Variants in ZNF385D observed in about 807,000 individuals in gnomAD.
ZNF385D encodes zinc finger protein 659.
A neutral mutation model predicts 35.8 loss-of-function variants in ZNF385D; 15 were observed. That is an observed-to-expected ratio of 0.42 (90% confidence interval 0.28 to 0.64). ZNF385D has a LOEUF of 0.64. Ranked by LOEUF, ZNF385D falls within the 30% of genes least tolerant of loss-of-function variation. ZNF385D has a pLI of 0.23. For synonymous variants in ZNF385D, 212 were observed against 186.8 expected (o/e 1.13, Z -1.10); for missense variants, 474 against 494.6 (o/e 0.96, Z 0.39).
chr3:21,935,960 G>A (rs1005167857), intron 3 of ZNF385D, among the ~76,000 whole-genome samples: 12 of 152,098 alleles, frequency 7.9e-5, no homozygotes, highest in African/African-American at 2.9e-4. Flanking sequence ...GGTGTCCTAA[G>A]TGCAACAGAA....
chr3:21,587,922 G>A (rs1057070004), intron 2 of ZNF385D, among the ~76,000 whole-genome samples: 5 of 152,066 alleles, frequency 3.3e-5, no homozygotes, highest in African/African-American at 1.2e-4. Flanking sequence ...GCCAATTTCT[G>A]TGCAATTTTT....
chr3:21,933,014 G>A (rs1009579192), intron 3 of ZNF385D, among the ~76,000 whole-genome samples: 1 of 152,130 alleles, frequency 6.6e-6, no homozygotes, highest in Admixed American at 6.5e-5. Flanking sequence ...TCCCCCAGGG[G>A]ATGTTGAAGT....
At chr3:22,185,258 C>G (rs547720922) in intron 2 of ZNF385D, among the ~76,000 whole-genome samples, 1 of 151,998 alleles carries the variant, frequency 6.6e-6, no homozygotes, top group East Asian at 1.9e-4. Context: ...AACATTTGAG[C>G]CAAATTAAAT....
chr3:21,746,123 T>A (rs370785657), intron 1 of ZNF385D, among the ~76,000 whole-genome samples: 10 of 152,338 alleles, frequency 6.6e-5, no homozygotes, highest in African/African-American at 2.4e-4. Flanking sequence ...CAAAAGCAAC[T>A]GTGACCGAAT....
intron 1 of ZNF385D, among the ~76,000 whole-genome samples, chr3:21,668,627 C>T (rs1213396657): frequency 2.6e-5 from 4 of 152,180 alleles, no homozygotes; most frequent in Non-Finnish European, 5.9e-5. Flanking sequence ...GAAATCGAAG[C>T]TACTTCTTAA....
chr3:22,150,607 C>G (rs1241297214), intron 3 of ZNF385D, among the ~76,000 whole-genome samples: 1 of 152,116 alleles, frequency 6.6e-6, no homozygotes, highest in Non-Finnish European at 1.5e-5. Flanking sequence ...TCTCTTCCTT[C>G]AGGCTACTAA....
chr3:22,195,638 A>G (rs1696362891), intron 2 of ZNF385D, among the ~76,000 whole-genome samples: 1 of 152,020 alleles, frequency 6.6e-6, no homozygotes, highest in Non-Finnish European at 1.5e-5. Context: ...AAATGACTAT[A>G]CTTTTTACAC....
chr3:21,649,173 T>C (rs988873097), intron 2 of ZNF385D, among the ~76,000 whole-genome samples: 1 of 152,176 alleles, frequency 6.6e-6, no homozygotes, highest in Non-Finnish European at 1.5e-5. Flanking sequence ...CACTGCTCTA[T>C]ACTATAACAA....
chr3:22,201,980 A>G (rs1013131359), intron 2 of ZNF385D, among the ~76,000 whole-genome samples: 2 of 152,042 alleles, frequency 1.3e-5, no homozygotes, highest in African/African-American at 4.8e-5. Context: ...AAAATGACAT[A>G]TTAAAAGAGT....
chr3:22,253,004 G>A (rs898751550), intron 2 of ZNF385D, among the ~76,000 whole-genome samples: 1 of 152,072 alleles, frequency 6.6e-6, no homozygotes, highest in Non-Finnish European at 1.5e-5. Context: ...GAAGATGATT[G>A]TGCAGGCACA....
chr3:22,245,311 A>AT (rs1699715999), intron 2 of ZNF385D, among the ~76,000 whole-genome samples: 1 of 152,110 alleles, frequency 6.6e-6, no homozygotes, highest in South Asian at 2.1e-4. Context: ...CATTCCTACC[A>AT]TATGACAGAA....
intron 2 of ZNF385D, among the ~76,000 whole-genome samples, chr3:22,253,004 G>T (rs898751550): frequency 1.3e-5 from 2 of 152,072 alleles, no homozygotes; most frequent in Non-Finnish European, 2.9e-5. Flanking sequence ...GAAGATGATT[G>T]TGCAGGCACA....
In ZNF385D at chr3:22,070,844, A is replaced by G. The variant is rs568526779; in HGVS notation, c.325+97973T>C. 5.3e-5 allele frequency among the ~76,000 whole-genome samples: 8 copies of G among 152,312 alleles called. No individual in the cohort carries two copies. The East Asian group carries it at 1.3e-3, about 26-fold the overall frequency. ...AATTTATAAACAGCTTACAATTTCA[A>G]CTGGCTTCAATTTAATCACTTTTGT... is the stretch of plus-strand genomic sequence containing the variant. On this transcript the variant is annotated intron_variant, in intron 3 of 5. Coordinates refer to the ZNF385D transcript ENST00000494108.
At chr3:21,570,685 G>A (rs1157789350) in intron 2 of ZNF385D, among the ~76,000 whole-genome samples, 3 of 152,110 alleles carry the variant, frequency 2.0e-5, no homozygotes, top group African/African-American at 7.2e-5. Flanking sequence ...AAGTTACTGA[G>A]GAGCTTTTAT....
chr3:21,901,970 G>A (rs1189611817), intron 3 of ZNF385D, among the ~76,000 whole-genome samples: 1 of 152,074 alleles, frequency 6.6e-6, no homozygotes, highest in Non-Finnish European at 1.5e-5. Flanking sequence ...ATGGCAGGAT[G>A]GTCACAGTCT....
At chr3:22,166,894 T>G (rs796455224) in intron 3 of ZNF385D, among the ~76,000 whole-genome samples, 1 of 152,368 alleles carries the variant, frequency 6.6e-6, no homozygotes, top group South Asian at 2.1e-4. Context: ...CAATACAAAC[T>G]TAAAGAAAAC....
In ZNF385D at chr3:21,986,464, G is replaced by T. The variant is rs1694809591; in HGVS notation, c.325+182353C>A. On this transcript the variant is annotated intron_variant, in intron 3 of 5. Transcript: ENST00000494108. ...CAGGAGCAGGTTGTTCAGTTTCCAT[G>T]TAGTTGAGCAGCTTTGAGTGAGATT... Among the ~76,000 whole-genome samples, 2 of 114,108 alleles carry T rather than the reference G, an allele frequency of 1.8e-5. 1 individual carries two copies. The highest frequency in any genetic ancestry group is 5.1e-4 in the South Asian group (2 of 3,916). The allele number at this position is 114,108 out of a possible 152,430, so 74.9% of individuals were successfully genotyped here.
At chr3:22,183,734 CTA>C (rs1185644332) in intron 2 of ZNF385D, among the ~76,000 whole-genome samples, 1 of 89,786 alleles carries the variant, frequency 1.1e-5, no homozygotes, top group Admixed American at 9.0e-5. Context: ...GATTATTAAA[CTA>C]TAATTGCCCT....
intron 1 of ZNF385D, among the ~76,000 whole-genome samples, chr3:21,709,981 T>C (rs2068040794): frequency 6.6e-6 from 1 of 152,208 alleles, no homozygotes; most frequent in African/African-American, 2.4e-5. Context: ...GAGTTATTGA[T>C]ACACAAAACA....
Sources: allele counts gnomAD v4.1 joint callset (sites outside exome capture counted in the v4.1 genomes callset), GRCh38; gene constraint gnomAD v4.1.1; transcripts MANE v1.5; gene names NCBI Gene and HGNC (gene_info 2026-07-23, HGNC 2026-07-21).